Variants in HACE1 observed in about 807,000 individuals in gnomAD.
HACE1 encodes the protein HECT domain and ankyrin repeat containing E3 ubiquitin protein ligase 1.
HACE1 carries 73 observed loss-of-function variants against 118.4 expected under a neutral mutation model. The observed-to-expected ratio is 0.62, with a 90% CI of 0.51 to 0.75. The LOEUF (loss-of-function observed/expected upper bound fraction) is 0.75, where lower values mean the gene tolerates loss of function less well. HACE1 is among the 30% of genes least tolerant of loss of function. The pLI is 0.00. For missense variants in HACE1, 749 were observed against 1,102.2 expected (o/e 0.68, Z 4.54); for synonymous variants, 368 against 374.8 (o/e 0.98, Z 0.21).
chr6:104,848,966 T>C (rs748902584), intron 4 of HACE1, among the ~76,000 whole-genome samples, 176 bp downstream of exon 4: 15 of 152,066 alleles, frequency 9.9e-5, no homozygotes, highest in South Asian at 2.1e-4. Flanking sequence ...AGAAGAACAA[T>C]ATCATCAATA....
intron 20 of HACE1, among the ~76,000 whole-genome samples, chr6:104,748,080 C>CGAA (rs1777622355): frequency 6.6e-6 from 1 of 151,606 alleles, no homozygotes; most frequent in Non-Finnish European, 1.5e-5. Flanking sequence ...AAAGCTTCTT[C>CGAA]CATCAAAAAA....
At chr6:104,842,089 G>A (rs1003560078) in intron 5 of HACE1, among the ~76,000 whole-genome samples, 24 of 152,164 alleles carry the variant, frequency 1.6e-4, no homozygotes, top group African/African-American at 5.5e-4. Flanking sequence ...AGGATTGCTT[G>A]AGGCCAAGAG....
chr6:104,794,928 G>T (rs994323420), intron 10 of HACE1, among the ~76,000 whole-genome samples: 9 of 151,960 alleles, frequency 5.9e-5, no homozygotes, highest in Non-Finnish European at 1.3e-4. Context: ...GTATATATGT[G>T]TGTGTGTGTG....
chr6:104,745,143 C>A (rs1047159137), intron 20 of HACE1, among the ~76,000 whole-genome samples: 3 of 152,054 alleles, frequency 2.0e-5, no homozygotes, highest in African/African-American at 7.2e-5. Context: ...GAATTCAATT[C>A]TGGAATAATT....
intron 7 of HACE1, among the ~76,000 whole-genome samples, chr6:104,805,836 C>G (rs1770933918): frequency 6.6e-6 from 1 of 151,768 alleles, no homozygotes; most frequent in Non-Finnish European, 1.5e-5. Context: ...CACATGTACC[C>G]TGGAACTTAA....
At chr6:104,805,181 C>T (rs542549547) in intron 7 of HACE1, among the ~76,000 whole-genome samples, 3 of 152,176 alleles carry the variant, frequency 2.0e-5, no homozygotes, top group South Asian at 2.1e-4. Context: ...GTTAGAATGG[C>T]GATCATTAAG....
chr6:104,852,206 T>C, intron 2 of HACE1, 111 bp downstream of exon 2: 1 of 678,074 alleles, frequency 1.5e-6, no homozygotes, highest in Non-Finnish European at 2.7e-6. Flanking sequence ...TGTCTGTGTG[T>C]GTGTGTGTGT....
intron 6 of HACE1, among the ~76,000 whole-genome samples, chr6:104,822,792 G>A (rs1772912795): frequency 6.6e-6 from 1 of 152,218 alleles, no homozygotes; most frequent in South Asian, 2.1e-4. Context: ...AGGAGGCGGA[G>A]GTTGCAGTGA....
At chr6:104,811,128 T>C (rs1771549031) in intron 7 of HACE1, among the ~76,000 whole-genome samples, 183 bp downstream of exon 7, 1 of 151,380 alleles carries the variant, frequency 6.6e-6, no homozygotes, top group Non-Finnish European at 1.5e-5. Flanking sequence ...TTGTACTTCC[T>C]CTTAAAAGAC....
intron 6 of HACE1, among the ~76,000 whole-genome samples, chr6:104,828,264 CATAA>C (rs1035245984): frequency 2.6e-5 from 4 of 152,052 alleles, no homozygotes; most frequent in African/African-American, 9.6e-5. Context: ...CTTGTATAAG[CATAA>C]ATAAATAAAG....
intron 10 of HACE1, among the ~76,000 whole-genome samples, chr6:104,793,930 G>C (rs1055854713): frequency 6.6e-6 from 1 of 152,210 alleles, no homozygotes; most frequent in African/African-American, 2.4e-5. Flanking sequence ...TAAGTGGTGA[G>C]AGAGCACAGT....
Position 104,797,012 on chromosome 6 carries a change from C to T in HACE1, c.631G>A (p.Asp211Asn). The change falls in exon 8 of 24, where the codon GAT becomes AAT. Residue 211 changes from aspartate (D) to asparagine (N), a missense_variant. Physicochemically the swap from Asp to Asn is conservative, Grantham distance 23. This residue lies in a region of HACE1 where 267 missense variants were observed against 312.2 expected (regional missense o/e 0.86). Coordinates refer to ENST00000262903, the MANE Select transcript of HACE1 (RefSeq NM_020771.4). Reference sequence around the variant, plus strand: ...CGTAATAGTAGGATCTGTGCTGTATCTCTCTGACCATGACTGTGTGGAAAT... The same window carrying T: ...CGTAATAGTAGGATCTGTGCTGTATTTCTCTGACCATGACTGTGTGGAAAT... Reference protein sequence around the residue: ...LYFACSHGQRDTAQILLLRGA... With the variant: ...LYFACSHGQRNTAQILLLRGA... 1.3e-6 allele frequency: 2 copies of T among 1,581,670 alleles called. No individual in the cohort carries two copies. Among genetic ancestry groups the T allele is most frequent in the East Asian group, 4.5e-5 (2 of 44,622 alleles).
Position 104,774,888 on chromosome 6 carries a change from G to A in HACE1, c.1864+1853C>T, listed in dbSNP as rs553281077. On this transcript the variant is annotated intron_variant, in intron 17 of 23. Transcript: ENST00000262903. Reference sequence around the variant, plus strand: ...TCTTTAAAAAATTATTATAGATATCGGGTCTACCCAAACATTCCCCACATT... The same window carrying A: ...TCTTTAAAAAATTATTATAGATATCAGGTCTACCCAAACATTCCCCACATT... 4.4e-4 allele frequency among the ~76,000 whole-genome samples: 67 copies of A among 152,038 alleles called. 2 individuals carry two copies. In the South Asian group the frequency reaches 0.013, roughly 30 times the overall value.
chr6:104,805,793 A>G (rs1475962840), intron 7 of HACE1, among the ~76,000 whole-genome samples: 2 of 152,164 alleles, frequency 1.3e-5, no homozygotes, highest in African/African-American at 4.8e-5. Flanking sequence ...AACATGGCAC[A>G]TGTATACCTA....
At chr6:104,809,322 T>C (rs1054301847) in intron 7 of HACE1, among the ~76,000 whole-genome samples, 2 of 152,198 alleles carry the variant, frequency 1.3e-5, no homozygotes, top group Non-Finnish European at 2.9e-5. Flanking sequence ...ATCAAAAATC[T>C]GGGGAACGAC....
chr6:104,731,674 T>C (rs1316557831), intron 22 of HACE1: 1 of 151,882 alleles, frequency 6.6e-6, no homozygotes, highest in Non-Finnish European at 1.5e-5. Flanking sequence ...ACAACGAAAA[T>C]GAAGTTGGAC....
rs560110836 is a variant in HACE1, at chr6:104,774,381, C to T, written c.1865-2307G>A. Among the ~76,000 whole-genome samples, 14 of 85,456 alleles carry T rather than the reference C, an allele frequency of 1.6e-4. 1 individual carries two copies. The East Asian group carries it at 2.6e-3, about 16-fold the overall frequency. The allele number at this position is 85,456 out of a possible 152,430, so 56.1% of individuals were successfully genotyped here. On this transcript the variant is annotated intron_variant, in intron 17 of 23. Coordinates refer to ENST00000262903, the MANE Select transcript of HACE1 (RefSeq NM_020771.4). ...CTGGGATTACAGGCGTGAGCCACCG[C>T]GCCCGGCCTCTCTTTTTTTTTTGAG...
intron 19 of HACE1, among the ~76,000 whole-genome samples, chr6:104,762,035 A>G (rs1284904022): frequency 6.6e-6 from 1 of 152,224 alleles, no homozygotes; most frequent in Non-Finnish European, 1.5e-5. Context: ...CGATCATTAA[A>G]AAGTCAGGAA....
At chr6:104,821,508 T>C (rs1237230523) in intron 6 of HACE1, among the ~76,000 whole-genome samples, 1 of 152,228 alleles carries the variant, frequency 6.6e-6, no homozygotes, top group East Asian at 1.9e-4. Context: ...AAAACTATAC[T>C]GTTAAAACTA....
Sources: allele counts gnomAD v4.1 joint callset (sites outside exome capture counted in the v4.1 genomes callset), GRCh38; gene constraint gnomAD v4.1.1; regional missense constraint gnomAD v4.1.1; transcripts MANE v1.5; gene names NCBI Gene and HGNC (gene_info 2026-07-23, HGNC 2026-07-21).